Variants in SGTB observed in about 807,000 individuals in gnomAD.
SGTB encodes the protein small glutamine rich tetratricopeptide repeat co-chaperone beta.
In SGTB, 19 loss-of-function variants were observed where a neutral mutation model predicts 43.9. That is an observed-to-expected ratio of 0.43 (90% CI 0.30 to 0.63). The LOEUF (loss-of-function observed/expected upper bound fraction) is 0.63. Among genes scored for constraint, SGTB ranks in the 30% least tolerant of loss-of-function variants. The pLI, the probability that SGTB is intolerant of heterozygous loss-of-function variation, is 0.12. For missense variants in SGTB, 304 were observed against 358.9 expected, an observed-to-expected ratio of 0.85 and a Z score of 1.24; for synonymous variants, 116 against 117.3, an observed-to-expected ratio of 0.99 and a Z score of 0.07.
At chr5:65,718,557 G>T (rs1271296589) in intron 2 of SGTB, among the ~76,000 whole-genome samples, 3 of 152,206 alleles carry the variant, frequency 2.0e-5, no homozygotes, top group African/African-American at 7.2e-5. Flanking sequence ...CAATAATTAA[G>T]AGGAGTGGGT....
chr5:65,691,626 G>A (rs1757611310), intron 5 of SGTB, among the ~76,000 whole-genome samples: 2 of 150,314 alleles, frequency 1.3e-5, no homozygotes, highest in East Asian at 4.1e-4. Context: ...ACTGTGCCTG[G>A]CTAAGAAAGT....
At chr5:65,694,568 C>T (rs6873392) in intron 5 of SGTB, among the ~76,000 whole-genome samples, 2,515 of 152,106 alleles carry the variant, frequency 0.017, 68 homozygotes, top group African/African-American at 0.058. Context: ...CTCCGCCTCC[C>T]GGATTCAAGC....
chr5:65,711,999 G>A (rs987953183), intron 3 of SGTB, among the ~76,000 whole-genome samples: 5 of 152,188 alleles, frequency 3.3e-5, no homozygotes, highest in Admixed American at 6.6e-5. Context: ...TATAATCCGA[G>A]CACTTTTTGG....
At chr5:65,696,914 AAATT>A (rs1372798981) in intron 5 of SGTB, among the ~76,000 whole-genome samples, 1 of 152,254 alleles carries the variant, frequency 6.6e-6, no homozygotes, top group Non-Finnish European at 1.5e-5. Flanking sequence ...ATTTTCTAAC[AAATT>A]AAAAAGTCAG....
At chr5:65,716,464 C>T (rs910319187) in intron 2 of SGTB, among the ~76,000 whole-genome samples, 5 of 152,184 alleles carry the variant, frequency 3.3e-5, no homozygotes, top group African/African-American at 1.2e-4. Context: ...CACACTAAAA[C>T]AGTCAAGAAA....
At chr5:65,676,306 G>C (rs1276190210) in intron 8 of SGTB, among the ~76,000 whole-genome samples, 1 of 151,722 alleles carries the variant, frequency 6.6e-6, no homozygotes, top group African/African-American at 2.4e-5. Context: ...GACAGAGCAA[G>C]ACTCTGTCTC....
At chr5:65,718,879 T>C (rs1270262534) in intron 2 of SGTB, among the ~76,000 whole-genome samples, 1 of 152,202 alleles carries the variant, frequency 6.6e-6, no homozygotes, top group Non-Finnish European at 1.5e-5. Flanking sequence ...CAATTTTCTT[T>C]CTGGCCCTTA....
chr5:65,689,843 T>C (rs1757571927), intron 5 of SGTB, among the ~76,000 whole-genome samples: 1 of 152,060 alleles, frequency 6.6e-6, no homozygotes, highest in Non-Finnish European at 1.5e-5. Flanking sequence ...CCCTTACTTT[T>C]CAGACTAATT....
At chr5:65,704,538 ATAT>A (rs1757893355) in intron 4 of SGTB, among the ~76,000 whole-genome samples, 160 bp from the exon 5 acceptor site, 1 of 152,216 alleles carries the variant, frequency 6.6e-6, no homozygotes, top group Non-Finnish European at 1.5e-5. Flanking sequence ...TATAGAGTTG[ATAT>A]TATTTAGCTT....
Position 65,720,836 on chromosome 5 carries a change from A to G in SGTB, c.-22-7T>C. Reference sequence around the variant, plus strand: ...AGAAGCTTAAACACTTTTCCTTGATAAGAAAAATGAAAACACTGAACTAAG... The same window carrying G: ...AGAAGCTTAAACACTTTTCCTTGATGAGAAAAATGAAAACACTGAACTAAG... On this transcript the variant is annotated splice_region_variant and splice_polypyrimidine_tract_variant and intron_variant, in intron 1 of 10. Transcript: ENST00000381007. The G allele has an allele frequency of 6.3e-7, 1 of 1,598,982 alleles. No homozygotes were observed. The highest frequency in any genetic ancestry group is 8.5e-7 in the Non-Finnish European group (1 of 1,176,246).
chr5:65,720,798 T>C lies in SGTB; in HGVS notation c.10A>G (p.Ile4Val), dbSNP rs1561170625. ...ATAACTGCATAAACCAGGTGCTTGA[T>C]AGATGACATTTTAGAAGCTTAAACA... is the stretch of plus-strand genomic sequence containing the variant. MSS[I>V]KHLVYAVIRF... Residue 4 changes from isoleucine to valine, a missense_variant, in exon 2 of 11, where the codon ATC (isoleucine) becomes GTC (valine). Physicochemically the swap from Ile to Val is conservative, Grantham distance 29 (BLOSUM62 3). Coordinates refer to ENST00000381007, the MANE Select transcript of SGTB (RefSeq NM_019072.3). 1.2e-6 allele frequency: 2 copies of C among 1,613,148 alleles called. No homozygotes were observed. Among genetic ancestry groups the C allele is most frequent in the Non-Finnish European group, 1.7e-6 (2 of 1,179,802 alleles).
In SGTB at chr5:65,683,900, C is replaced by T. The variant is rs1257661486; in HGVS notation, c.479+1468G>A. Among the ~76,000 whole-genome samples the T allele has an allele frequency of 4.0e-5, 6 of 150,614 alleles. No individual in the cohort carries two copies. In the East Asian group the frequency reaches 8.0e-4, roughly 20 times the overall value. On this transcript the variant is annotated intron_variant, in intron 6 of 10. Transcript: ENST00000381007. ...GGCAAAGCTTGCAGTAAGCTGAGAT[C>T]GCGCCACTGCACTGCAGCCTGGGTG...
intron 6 of SGTB, among the ~76,000 whole-genome samples, chr5:65,681,586 T>C (rs1218392497): frequency 6.6e-6 from 1 of 152,192 alleles, no homozygotes; most frequent in Non-Finnish European, 1.5e-5. Flanking sequence ...TGATACTTTA[T>C]CAGAGTCCCC....
chr5:65,667,947 CTTTTTCTTTTTT>C lies in SGTB; in HGVS notation c.*2287_*2298del, dbSNP rs1302077169. The C allele has an allele frequency of 3.7e-5, 5 of 135,868 alleles. No individual in the cohort carries two copies. The allele number at this position is 135,868 out of a possible 1,614,324, so 8.4% of individuals were successfully genotyped here. ...TACAAAATAATTAGTCTCTTAGTCT[CTTTTTCTTTTTT>C]TTTTTTTTTTTGAAATGGAGTCTTG... On this transcript the variant is annotated 3_prime_UTR_variant, in exon 11 of 11. Coordinates refer to ENST00000381007, the MANE Select transcript of SGTB (RefSeq NM_019072.3).
At chr5:65,692,924 G>A (rs919889061) in intron 5 of SGTB, among the ~76,000 whole-genome samples, 7 of 152,186 alleles carry the variant, frequency 4.6e-5, no homozygotes, top group Non-Finnish European at 5.9e-5. Context: ...GACAAAGAGA[G>A]GCCAGGTGCG....
At chr5:65,691,609 G>T (rs1295350495) in intron 5 of SGTB, among the ~76,000 whole-genome samples, 8 of 150,712 alleles carry the variant, frequency 5.3e-5, no homozygotes. Context: ...ATTACAGGCG[G>T]TGAGCCACTG....
At chr5:65,722,373 C>G, upstream of SGTB, 1 of 1,582,562 alleles carries the variant, frequency 6.3e-7, no homozygotes, top group Non-Finnish European at 8.6e-7. Context: ...TCAGCGCTCC[C>G]ATGATCGCCC....
At chr5:65,708,622 A>G in intron 3 of SGTB, 64 bp from the exon 4 acceptor site, 1 of 1,225,314 alleles carries the variant, frequency 8.2e-7, no homozygotes, top group South Asian at 1.5e-5. Flanking sequence ...CTAGAGTACT[A>G]TAAATAAATA....
At chr5:65,687,515 C>T (rs1757521762) in intron 5 of SGTB, among the ~76,000 whole-genome samples, 1 of 152,128 alleles carries the variant, frequency 6.6e-6, no homozygotes, top group Non-Finnish European at 1.5e-5. Flanking sequence ...AGGACAAAAA[C>T]TTTGTGTCAC....
Sources: gnomAD v4.1 joint callset for allele counts (sites outside exome capture counted in the v4.1 genomes callset) on GRCh38, gnomAD v4.1.1 for gene constraint, MANE v1.5 for transcripts, NCBI Gene and HGNC (gene_info 2026-07-23, HGNC 2026-07-21) for gene names.